The following LYPLA1 variants were observed in gnomAD, a reference collection of about 807,000 sequenced individuals.
LYPLA1 encodes the protein acyl-protein thioesterase 1.
A neutral mutation model predicts 34.0 loss-of-function variants in LYPLA1; 17 were observed. The ratio of observed to expected loss-of-function variants is 0.50; its 90% CI spans 0.34 to 0.75. The LOEUF is 0.75. LYPLA1 is among the 30% of genes least tolerant of loss of function. LYPLA1 has a pLI of 0.01. For missense variants in LYPLA1, 203 were observed against 288.8 expected (o/e 0.70, Z 2.15); for synonymous variants, 98 against 100.8 (o/e 0.97, Z 0.17).
chr8:54,094,938 T>C (rs1809570675), intron 2 of LYPLA1, among the ~76,000 whole-genome samples: 1 of 152,218 alleles, frequency 6.6e-6, no homozygotes, highest in African/African-American at 2.4e-5. Context: ...ATTTAAAATT[T>C]TGAAACAAAT....
At chr8:54,095,622 C>A (rs1330329879) in intron 2 of LYPLA1, among the ~76,000 whole-genome samples, 2 of 152,164 alleles carry the variant, frequency 1.3e-5, no homozygotes, top group African/African-American at 4.8e-5. Context: ...ATCATGAGGT[C>A]TGCCTAATAT....
At chr8:54,077,592 T>TA (rs1306691771) in intron 2 of LYPLA1, among the ~76,000 whole-genome samples, 10 of 152,160 alleles carry the variant, frequency 6.6e-5, no homozygotes, top group Admixed American at 2.0e-4. Flanking sequence ...GGTCAGGAGA[T>TA]ACAGACCAGC....
intron 7 of LYPLA1, among the ~76,000 whole-genome samples, chr8:54,051,398 A>G (rs1805835223): frequency 6.6e-6 from 1 of 152,174 alleles, no homozygotes; most frequent in South Asian, 2.1e-4. Context: ...TATAATATAT[A>G]TCTTCCCAGT....
intron 5 of LYPLA1, among the ~76,000 whole-genome samples, chr8:54,060,253 G>A (rs764369093): frequency 2.6e-5 from 4 of 151,972 alleles, no homozygotes; most frequent in Non-Finnish European, 4.4e-5. Flanking sequence ...AGCCTCCCAA[G>A]TAGCTGGGAT....
intron 2 of LYPLA1, among the ~76,000 whole-genome samples, chr8:54,075,086 C>T (rs995217105): frequency 3.3e-5 from 5 of 152,208 alleles, no homozygotes; most frequent in Non-Finnish European, 7.3e-5. Context: ...CCTAAAACAG[C>T]AGTTGCAAAA....
Position 54,062,121 on chromosome 8 carries a change from G to C in LYPLA1, c.286+133C>G. On this transcript the variant is annotated intron_variant, in intron 5 of 8. Coordinates refer to ENST00000316963, the MANE Select transcript of LYPLA1 (RefSeq NM_006330.4). ...GACCCACCCGCCTCTACTTCCCAAA[G>C]TACTGGGATTACAGGCGTGAGCCAC... 8.2e-6 allele frequency: 5 copies of C among 607,662 alleles called. No individual in the cohort carries two copies. In the South Asian group the frequency reaches 9.7e-5, roughly 12 times the overall value. 37.6% of individuals were successfully genotyped at this position (607,662 alleles called of 1,614,324 possible).
intron 8 of LYPLA1, among the ~76,000 whole-genome samples, chr8:54,050,094 G>A (rs73681303): frequency 0.033 from 5,081 of 151,994 alleles, 271 homozygotes; most frequent in African/African-American, 0.11. Flanking sequence ...ATAATTCTTC[G>A]TTGATCAATT....
downstream of LYPLA1, among the ~76,000 whole-genome samples, chr8:54,043,815 C>T (rs1805424819): frequency 6.6e-6 from 1 of 152,144 alleles, no homozygotes; most frequent in South Asian, 2.1e-4. Flanking sequence ...CCCTCCTTGG[C>T]CTCTCAAAGT....
At chr8:54,076,811 ATTAAT>A (rs1335861507) in intron 2 of LYPLA1, among the ~76,000 whole-genome samples, 1 of 152,150 alleles carries the variant, frequency 6.6e-6, no homozygotes, top group African/African-American at 2.4e-5. Flanking sequence ...GACACTTTTA[ATTAAT>A]TTAATACCTA....
At chr8:54,084,291 G>T (rs1489397520) in intron 2 of LYPLA1, among the ~76,000 whole-genome samples, 1 of 148,246 alleles carries the variant, frequency 6.7e-6, no homozygotes, top group East Asian at 2.0e-4. Flanking sequence ...TGCAACAGAG[G>T]CCGGCGCGGT....
intron 5 of LYPLA1, 55 bp from the exon 6 acceptor site, chr8:54,055,188 AAAATTT>A (rs1806123431): frequency 9.6e-7 from 1 of 1,036,848 alleles, no homozygotes; most frequent in Non-Finnish European, 1.5e-6. Flanking sequence ...GCCCACTGAT[AAAATTT>A]AAATTAGGAA....
At chr8:54,096,410 T>C (rs1809685894) in intron 2 of LYPLA1, among the ~76,000 whole-genome samples, 1 of 151,988 alleles carries the variant, frequency 6.6e-6, no homozygotes, top group African/African-American at 2.4e-5. Flanking sequence ...CGAGACCAGC[T>C]TGGCCAACAT....
At chr8:54,097,728 T>C (rs1199056809) in intron 2 of LYPLA1, among the ~76,000 whole-genome samples, 1 of 152,198 alleles carries the variant, frequency 6.6e-6, no homozygotes, top group African/African-American at 2.4e-5. Flanking sequence ...CTAAAACCCC[T>C]AGTGGATGCC....
intron 2 of LYPLA1, chr8:54,073,655 C>T (rs1807665958): frequency 2.3e-6 from 1 of 428,484 alleles, no homozygotes; most frequent in South Asian, 3.1e-5. Context: ...AATGTCCTAA[C>T]AGAAAGATGA....
At position 54,052,649 on chromosome 8, in the gene LYPLA1, AG is replaced by A. The variant is rs1231633202; in HGVS notation, c.462+5del. On this transcript the variant is annotated splice_donor_5th_base_variant and intron_variant, in intron 7 of 8. Coordinates refer to ENST00000316963, the MANE Select transcript of LYPLA1 (RefSeq NM_006330.4). ...AATCTCATGTTGAGTGCATCAACCA[AG>A]TTACCTGTGGAAAGGAAGCCCGAAG... is the stretch of plus-strand genomic sequence containing the variant. 1.9e-6 allele frequency: 3 copies of A among 1,602,936 alleles called. No individual in the cohort carries two copies. The highest frequency in any genetic ancestry group is 2.6e-6 in the Non-Finnish European group (3 of 1,170,576).
At chr8:54,057,065 C>A (rs1806257094) in intron 5 of LYPLA1, among the ~76,000 whole-genome samples, 1 of 152,180 alleles carries the variant, frequency 6.6e-6, no homozygotes, top group Admixed American at 6.5e-5. Context: ...TATCGTCTCA[C>A]CCCAGTTAAA....
At chr8:54,081,182 C>G (rs911109375) in intron 2 of LYPLA1, among the ~76,000 whole-genome samples, 1 of 152,168 alleles carries the variant, frequency 6.6e-6, no homozygotes, top group Non-Finnish European at 1.5e-5. Context: ...CCCAAATATA[C>G]AGACAATGCA....
rs1457968174 is a variant in LYPLA1, at chr8:54,059,364, G to C, written c.286+2890C>G. Among the ~76,000 whole-genome samples the C allele has an allele frequency of 2.7e-5, 2 of 73,226 alleles. 1 individual carries two copies. Among genetic ancestry groups the C allele is most frequent in the Non-Finnish European group, 4.1e-5 (2 of 48,314 alleles). 48.0% of individuals were successfully genotyped at this position (73,226 alleles called of 152,430 possible). On this transcript the variant is annotated intron_variant, in intron 5 of 8. Coordinates refer to ENST00000316963, the MANE Select transcript of LYPLA1 (RefSeq NM_006330.4). ...CCAGGCCGGACTGCGGACTGCAGTG[G>C]CGCAATCTCGGCTCACTGCAAGCTC...
At chr8:54,097,251 T>C (rs1166260312) in intron 2 of LYPLA1, among the ~76,000 whole-genome samples, 2 of 152,216 alleles carry the variant, frequency 1.3e-5, no homozygotes, top group African/African-American at 4.8e-5. Context: ...ATTAGTCTAC[T>C]GATGCGCGCA....
Sources: gnomAD v4.1 joint callset for allele counts (sites outside exome capture counted in the v4.1 genomes callset) on GRCh38, gnomAD v4.1.1 for gene constraint, MANE v1.5 for transcripts, NCBI Gene and HGNC (gene_info 2026-07-23, HGNC 2026-07-21) for gene names.